PCNX1: variants seen among roughly 807,000 people sequenced by gnomAD.
PCNX1 encodes pecanex 1.
A neutral mutation model predicts 242.2 loss-of-function variants in PCNX1; 78 were observed. The ratio of observed to expected loss-of-function variants is 0.32; its 90% CI spans 0.27 to 0.39. The LOEUF (loss-of-function observed/expected upper bound fraction) is 0.39. Ranked by LOEUF, PCNX1 falls within the 10% of genes least tolerant of loss-of-function variation. The pLI, the probability that PCNX1 is intolerant of heterozygous loss-of-function variation, is 1.00. For synonymous variants in PCNX1, 1,024 were observed against 1,032.9 expected, an observed-to-expected ratio of 0.99 and a Z score of 0.17; for missense variants, 2,581 against 2,856.5, an observed-to-expected ratio of 0.90 and a Z score of 2.20.
chr14:71,026,387 A>C, intron 14 of PCNX1, 99 bp downstream of exon 14: 1 of 728,770 alleles, frequency 1.4e-6, no homozygotes, highest in African/African-American at 1.8e-5. Flanking sequence ...AGTTTTTAAT[A>C]AGCTTATTTT....
chr14:71,109,919 TTGGGGC>T lies in PCNX1; in HGVS notation c.7013_7018del (p.Gly2338_Ala2339del). The T allele has an allele frequency of 6.2e-7, 1 of 1,613,434 alleles. No individual in the cohort carries two copies. Among genetic ancestry groups the T allele is most frequent in the Non-Finnish European group, 8.5e-7 (1 of 1,179,546 alleles). The stretch of plus-strand genomic sequence containing the variant: ...GTAATTGAAACTGGGGTACTAGAAC[TTGGGGC>T]TGAAGTGTGAGCCAGTGTTTATTAT... On this transcript the variant is annotated inframe_deletion, in exon 36 of 36. Transcript: ENST00000304743.
chr14:71,070,816 C>T (rs2061568717), intron 26 of PCNX1, among the ~76,000 whole-genome samples: 1 of 152,204 alleles, frequency 6.6e-6, no homozygotes, highest in African/African-American at 2.4e-5. Context: ...CCGTTAGACC[C>T]TATCAAAGAG....
intron 1 of PCNX1, among the ~76,000 whole-genome samples, chr14:70,922,547 A>AT (rs1461869918): frequency 1.3e-5 from 2 of 152,166 alleles, no homozygotes; most frequent in Non-Finnish European, 2.9e-5. Flanking sequence ...ACCAGTTCAC[A>AT]TGCCTCAGAG....
intron 8 of PCNX1, among the ~76,000 whole-genome samples, chr14:70,997,433 C>T (rs924051707): frequency 6.6e-6 from 1 of 152,036 alleles, no homozygotes; most frequent in African/African-American, 2.4e-5. Context: ...TTAGTTTGCT[C>T]AAAAAATTTG....
intron 4 of PCNX1, among the ~76,000 whole-genome samples, chr14:70,968,464 G>A (rs984163952): frequency 6.6e-6 from 1 of 152,202 alleles, no homozygotes; most frequent in African/African-American, 2.4e-5. Context: ...ATTACATTGC[G>A]TGAATTACAT....
chr14:70,967,084 A>G (rs1240218505), intron 3 of PCNX1, among the ~76,000 whole-genome samples: 1 of 152,146 alleles, frequency 6.6e-6, no homozygotes, highest in East Asian at 1.9e-4. Flanking sequence ...ATGTATGCAT[A>G]TTTTTATTTA....
intron 30 of PCNX1, among the ~76,000 whole-genome samples, chr14:71,100,828 C>G (rs2062443897): frequency 6.6e-6 from 1 of 151,946 alleles, no homozygotes; most frequent in South Asian, 2.1e-4. Flanking sequence ...TGAGTTATTC[C>G]AGAATACCAG....
intron 4 of PCNX1, among the ~76,000 whole-genome samples, 171 bp downstream of exon 4, chr14:70,968,414 T>C (rs563077685): frequency 4.7e-4 from 72 of 152,356 alleles, no homozygotes; most frequent in Non-Finnish European, 8.1e-4. Flanking sequence ...TTGTGTTCTC[T>C]TTCATCATCC....
At chr14:70,983,251 T>A (rs1423391820) in intron 6 of PCNX1, among the ~76,000 whole-genome samples, 1 of 152,200 alleles carries the variant, frequency 6.6e-6, no homozygotes, top group Non-Finnish European at 1.5e-5. Context: ...CTGGTGGACT[T>A]GTGGAAAATA....
At chr14:71,031,796 C>A (rs1595308739) in intron 16 of PCNX1, 2 of 1,475,892 alleles carry the variant, frequency 1.4e-6, no homozygotes, top group East Asian at 4.5e-5. Flanking sequence ...TGCAGGGAGC[C>A]CATGCATAGC....
chr14:71,108,253 G>T (rs1266119260), intron 33 of PCNX1, among the ~76,000 whole-genome samples: 1 of 152,204 alleles, frequency 6.6e-6, no homozygotes, highest in Non-Finnish European at 1.5e-5. Context: ...TATTATGGAA[G>T]TATTCTTGTT....
In PCNX1 at chr14:70,962,282, T is replaced by C. The variant is rs759109869; in HGVS notation, c.419T>C (p.Val140Ala). The C allele has an allele frequency of 4.3e-6, 7 of 1,613,624 alleles. No individual in the cohort carries two copies. The highest frequency in any genetic ancestry group is 3.3e-4 in the Middle Eastern group (2 of 6,078). ...TTCATCCGAGAGGCCACACCCCCAG[T>C]TGGTTGCAGTTCCAGAAATTCTTAT... is the stretch of plus-strand genomic sequence containing the variant. ...SEFIREATPPVGCSSRNSYAG... is the reference protein window; with the variant it reads ...SEFIREATPPAGCSSRNSYAG... The change falls in exon 3 of 36, where the codon GTT becomes GCT. Residue 140 changes from valine to alanine, a missense_variant. Coordinates refer to ENST00000304743, the MANE Select transcript of PCNX1 (RefSeq NM_014982.3).
chr14:70,932,515 T>A (rs965780617), intron 1 of PCNX1, among the ~76,000 whole-genome samples: 5 of 152,210 alleles, frequency 3.3e-5, no homozygotes, highest in African/African-American at 1.2e-4. Context: ...GCTAACAGAC[T>A]CTGTTCCTAG....
intron 26 of PCNX1, among the ~76,000 whole-genome samples, chr14:71,070,598 A>G (rs931022372): frequency 3.3e-5 from 5 of 152,178 alleles, no homozygotes; most frequent in Non-Finnish European, 5.9e-5. Context: ...ATGAGTAGTA[A>G]TATTTGGAAA....
intron 5 of PCNX1, among the ~76,000 whole-genome samples, chr14:70,976,324 C>G (rs911300046): frequency 6.6e-6 from 1 of 151,392 alleles, no homozygotes; most frequent in Non-Finnish European, 1.5e-5. Flanking sequence ...CATAGAAATC[C>G]AGGCCTATTT....
intron 16 of PCNX1, among the ~76,000 whole-genome samples, chr14:71,029,942 C>G (rs974322203): frequency 4.6e-5 from 7 of 152,170 alleles, no homozygotes; most frequent in African/African-American, 1.7e-4. Flanking sequence ...TGAGATGTTT[C>G]TAGTTGAGGA....
At chr14:71,073,083 C>A (rs540136941) in intron 26 of PCNX1, among the ~76,000 whole-genome samples, 1 of 152,162 alleles carries the variant, frequency 6.6e-6, no homozygotes, top group African/African-American at 2.4e-5. Flanking sequence ...GCAGGCAGAT[C>A]GCAAGGTCTG....
chr14:70,956,388 T>A (rs749800251), intron 2 of PCNX1, among the ~76,000 whole-genome samples: 37 of 148,984 alleles, frequency 2.5e-4, no homozygotes, highest in Admixed American at 7.9e-4. Context: ...ACCAAAAAAA[T>A]AAATAAATAA....
At chr14:71,101,591 C>G (rs2062462521) in intron 30 of PCNX1, among the ~76,000 whole-genome samples, 1 of 151,868 alleles carries the variant, frequency 6.6e-6, no homozygotes, top group African/African-American at 2.4e-5. Context: ...TGAAAAGTAT[C>G]TAGTTAAGAA....
Sources: gnomAD v4.1 joint callset for allele counts (sites outside exome capture counted in the v4.1 genomes callset) on GRCh38, gnomAD v4.1.1 for gene constraint, MANE v1.5 for transcripts, NCBI Gene and HGNC (gene_info 2026-07-23, HGNC 2026-07-21) for gene names.